Variants in DNAI7 observed in about 807,000 individuals in gnomAD.
DNAI7 encodes the protein dynein axonemal intermediate chain 7, also known as cancer susceptibility 1.
Under a neutral mutation model 86.6 loss-of-function variants are expected in DNAI7, and 78 were observed. The ratio of observed to expected loss-of-function variants is 0.90; its 90% CI spans 0.75 to 1.09. The LOEUF (loss-of-function observed/expected upper bound fraction) is 1.09. DNAI7 is among the 50% of genes least tolerant of loss of function. The pLI, the probability that DNAI7 is intolerant of heterozygous loss-of-function variation, is 0.00. For synonymous variants in DNAI7, 274 were observed against 273.0 expected, an observed-to-expected ratio of 1.00 and a Z score of -0.04; for missense variants, 753 against 810.2, an observed-to-expected ratio of 0.93 and a Z score of 0.86.
chr12:25,179,232 A>G (rs1171422279), intron 2 of DNAI7, among the ~76,000 whole-genome samples: 2 of 152,182 alleles, frequency 1.3e-5, no homozygotes, highest in Non-Finnish European at 2.9e-5. Flanking sequence ...TCATTATGAT[A>G]CATTCTCTGA....
intron 11 of DNAI7, 123 bp downstream of exon 11, chr12:25,121,630 A>C (rs1941303148): frequency 1.3e-6 from 1 of 749,150 alleles, no homozygotes; most frequent in African/African-American, 1.9e-5. Flanking sequence ...AGACAGTTTA[A>C]AATTACATTT....
intron 13 of DNAI7, among the ~76,000 whole-genome samples, chr12:25,112,406 T>G (rs138412173): frequency 0.35 from 46,123 of 130,826 alleles, 7,953 homozygotes; most frequent in East Asian, 0.67. Flanking sequence ...CTGGTTTTTT[T>G]TTTTTTTTTT....
intron 2 of DNAI7, among the ~76,000 whole-genome samples, chr12:25,183,229 A>C (rs865852355): frequency 2.0e-5 from 3 of 152,034 alleles, no homozygotes; most frequent in Admixed American, 1.3e-4. Flanking sequence ...GGGGACTCTA[A>C]AAGAGGGGAG....
intron 9 of DNAI7, 70 bp from the exon 10 acceptor site, chr12:25,123,356 C>G (rs1229183704): frequency 1.0e-6 from 1 of 1,002,558 alleles, no homozygotes; most frequent in Non-Finnish European, 1.4e-6. Context: ...TCTTTGTGTT[C>G]CAGTCCTCAC....
intron 11 of DNAI7, 38 bp from the exon 12 acceptor site, chr12:25,119,339 C>CT (rs748857577): frequency 7.0e-7 from 1 of 1,434,032 alleles, no homozygotes; most frequent in East Asian, 2.3e-5. Flanking sequence ...AGTTAGTTGA[C>CT]TGGTAGCAGT....
At chr12:25,191,669 CT>C (rs1234682557) in intron 1 of DNAI7, among the ~76,000 whole-genome samples, 1 of 152,114 alleles carries the variant, frequency 6.6e-6, no homozygotes, top group African/African-American at 2.4e-5. Flanking sequence ...CACCACTGCA[CT>C]CCAGTCTGGG....
intron 6 of DNAI7, among the ~76,000 whole-genome samples, chr12:25,151,540 AG>A (rs1945543705): frequency 6.6e-6 from 1 of 152,206 alleles, no homozygotes; most frequent in African/African-American, 2.4e-5. Flanking sequence ...TTCTTGTAAC[AG>A]GAAGATGTCC....
chr12:25,188,838 G>A (rs550758458), intron 2 of DNAI7, among the ~76,000 whole-genome samples: 6 of 152,228 alleles, frequency 3.9e-5, no homozygotes, highest in East Asian at 1.9e-4. Flanking sequence ...ATGAGTTTTC[G>A]GATTTAAAAT....
intron 11 of DNAI7, among the ~76,000 whole-genome samples, chr12:25,120,016 G>C (rs2140439077): frequency 6.6e-6 from 1 of 152,204 alleles, no homozygotes; most frequent in South Asian, 2.1e-4. Flanking sequence ...TGGGTTCAAG[G>C]GGAGAGCATG....
At chr12:25,110,025 C>T in intron 15 of DNAI7, 102 bp downstream of exon 15, 1 of 653,246 alleles carries the variant, frequency 1.5e-6, no homozygotes, top group Non-Finnish European at 2.7e-6. Context: ...ATTTTTTTAA[C>T]TTTTCTAAGA....
At chr12:25,116,619 C>T (rs1027255678) in intron 12 of DNAI7, among the ~76,000 whole-genome samples, 3 of 152,294 alleles carry the variant, frequency 2.0e-5, no homozygotes, top group Non-Finnish European at 4.4e-5. Context: ...CCTGCCTCGG[C>T]CTCCTGAATA....
intron 9 of DNAI7, among the ~76,000 whole-genome samples, chr12:25,143,214 C>T (rs1278370925): frequency 2.0e-5 from 3 of 150,506 alleles, no homozygotes; most frequent in African/African-American, 2.4e-5. Context: ...TATGTCATAT[C>T]CATTTTTCTA....
intron 2 of DNAI7, among the ~76,000 whole-genome samples, chr12:25,161,766 T>C (rs926377114): frequency 2.0e-5 from 3 of 152,052 alleles, no homozygotes; most frequent in African/African-American, 7.2e-5. Context: ...AGATAGGGGA[T>C]TGAAAGAGCA....
intron 2 of DNAI7, among the ~76,000 whole-genome samples, chr12:25,164,347 C>T (rs1352008869): frequency 6.6e-6 from 1 of 151,592 alleles, no homozygotes; most frequent in African/African-American, 2.4e-5. Flanking sequence ...ACCCCCCACC[C>T]CTTCTCTCTG....
intron 2 of DNAI7, among the ~76,000 whole-genome samples, chr12:25,187,288 T>TC (rs1950118904): frequency 2.0e-5 from 3 of 152,062 alleles, no homozygotes. Context: ...ATATACTCAT[T>TC]CCCCCAGGTA....
At chr12:25,145,010 T>A (rs1944656343) in intron 8 of DNAI7, among the ~76,000 whole-genome samples, 1 of 152,188 alleles carries the variant, frequency 6.6e-6, no homozygotes, top group Non-Finnish European at 1.5e-5. Flanking sequence ...ACATACACTC[T>A]CTGGATATTT....
In DNAI7 at chr12:25,194,786, G is replaced by A. The variant is rs74073338; in HGVS notation, c.3+290C>T. 948 of 1,242,396 alleles carry A rather than the reference G, an allele frequency of 7.6e-4. 10 individuals carry two copies. The African/African-American group carries it at 0.013, about 17-fold the overall frequency. 77.0% of individuals were successfully genotyped at this position (1,242,396 alleles called of 1,614,324 possible). On this transcript the variant is annotated intron_variant, in intron 1 of 15. Transcript: ENST00000395987. ...CGTCTATCACTACTGAAAGTTACTA[G>A]GTTGGGACCAATTTTCAAGCTTAGC...
chr12:25,108,376 A>AG lies in DNAI7; in HGVS notation c.*171dup. 4.8e-6 allele frequency: 3 copies of AG among 618,806 alleles called. No homozygotes were observed. Among genetic ancestry groups the AG allele is most frequent in the Non-Finnish European group, 7.8e-6 (3 of 382,584 alleles). 38.3% of individuals were successfully genotyped at this position (618,806 alleles called of 1,614,324 possible). A position where few individuals can be genotyped will look rare whatever the true frequency, so the allele number is the denominator to read the frequency against. ...AATTCTTAACAGGCCAAGTATTCAAAGGAAAAAAAAATACTGTTTTTAAAA... is the reference window on the plus strand; with the variant it reads ...AATTCTTAACAGGCCAAGTATTCAAAGGGAAAAAAAAATACTGTTTTTAAAA... On this transcript the variant is annotated 3_prime_UTR_variant, in exon 16 of 16. Coordinates refer to ENST00000395987, the MANE Select transcript of DNAI7 (RefSeq NM_018272.5).
intron 9 of DNAI7, among the ~76,000 whole-genome samples, chr12:25,141,497 A>G (rs946615950): frequency 2.6e-5 from 4 of 152,210 alleles, no homozygotes; most frequent in African/African-American, 9.6e-5. Flanking sequence ...AGGACATCCA[A>G]ATCAAAACCA....
Sources: allele counts gnomAD v4.1 joint callset (sites outside exome capture counted in the v4.1 genomes callset), GRCh38; gene constraint gnomAD v4.1.1; transcripts MANE v1.5; gene names NCBI Gene and HGNC (gene_info 2026-07-23, HGNC 2026-07-21).